The following SLC22A24 variants were observed in gnomAD, a reference collection of about 807,000 sequenced individuals.
SLC22A24 encodes the protein steroid transmembrane transporter SLC22A24.
Under a neutral mutation model 49.8 loss-of-function variants are expected in SLC22A24, and 53 were observed. The observed-to-expected ratio is 1.06, with a 90% CI of 0.85 to 1.34. The LOEUF is 1.34. SLC22A24 is among the 40% of genes most tolerant of loss of function. SLC22A24 has a pLI of 0.00. For missense variants in SLC22A24, 786 were observed against 675.9 expected, an observed-to-expected ratio of 1.16 and a Z score of -1.81; for synonymous variants, 302 against 256.4, an observed-to-expected ratio of 1.18 and a Z score of -1.70.
chr11:63,134,448 C>T (rs987348446), intron 2 of SLC22A24, among the ~76,000 whole-genome samples: 1 of 152,136 alleles, frequency 6.6e-6, no homozygotes, highest in African/African-American at 2.4e-5. Flanking sequence ...TTTCTGTCCT[C>T]TTTTATTCAG....
chr11:63,085,134 A>G (rs559678023), intron 6 of SLC22A24, among the ~76,000 whole-genome samples: 10 of 152,108 alleles, frequency 6.6e-5, no homozygotes, highest in Non-Finnish European at 8.8e-5. Flanking sequence ...TTTTGATAAA[A>G]CTTGCAGATA....
intron 1 of SLC22A24, among the ~76,000 whole-genome samples, chr11:63,140,613 C>T (rs2134687061): frequency 6.6e-6 from 1 of 152,264 alleles, no homozygotes; most frequent in Admixed American, 6.5e-5. Flanking sequence ...ATCTTATCTT[C>T]ACTTCTATCT....
chr11:63,118,618 T>A, intron 4 of SLC22A24: 1 of 556,424 alleles, frequency 1.8e-6, no homozygotes, highest in Non-Finnish European at 3.2e-6. Context: ...CACATAATAT[T>A]CCAAAAGTTA....
rs550229047 is a variant in SLC22A24, at chr11:63,111,376, G to C, written c.831-7078C>G. On this transcript the variant is annotated intron_variant, in intron 4 of 9. Transcript: ENST00000612278. ...ATGCTGGCTTCATAAAATGAGTTAG[G>C]GAGGATTCCTTCTTTTTCTATTGAT... Among the ~76,000 whole-genome samples the C allele has an allele frequency of 4.6e-5, 7 of 151,768 alleles. No homozygotes were observed. In the East Asian group the frequency reaches 1.4e-3, roughly 29 times the overall value.
At chr11:63,108,542 C>A (rs572924501) in intron 4 of SLC22A24, among the ~76,000 whole-genome samples, 5 of 152,150 alleles carry the variant, frequency 3.3e-5, no homozygotes, top group Non-Finnish European at 4.4e-5. Flanking sequence ...TAGAATTTGA[C>A]TGTGAACTTG....
rs2087393366 is a variant in SLC22A24 at position 63,138,690 on chromosome 11, C to T, written c.403-3922G>A. Among the ~76,000 whole-genome samples, 3 of 148,642 alleles carry T rather than the reference C, an allele frequency of 2.0e-5. No homozygotes were observed. The South Asian group carries it at 6.4e-4, about 32-fold the overall frequency. On this transcript the variant is annotated intron_variant, in intron 1 of 9. Coordinates refer to ENST00000612278, the MANE Select transcript of SLC22A24 (RefSeq NM_001136506.2). ...AAAAAGAAATTGGCTTCTGTACTCT[C>T]CTTCTGGGAAAAGCAATAGAAACTG... is the stretch of plus-strand genomic sequence containing the variant.
chr11:63,139,714 G>A lies in SLC22A24; in HGVS notation c.402+3664C>T, dbSNP rs190307979. 2.6e-5 allele frequency among the ~76,000 whole-genome samples: 4 copies of A among 152,256 alleles called. No individual in the cohort carries two copies. The East Asian group carries it at 5.8e-4, about 22-fold the overall frequency. Reference sequence around the variant, plus strand: ...AGTATTTCCCTCCTTTTAGGGATCCGATCCAGGATCCAGTATAAAATGGCA... The same window carrying A: ...AGTATTTCCCTCCTTTTAGGGATCCAATCCAGGATCCAGTATAAAATGGCA... On this transcript the variant is annotated intron_variant, in intron 1 of 9. Transcript: ENST00000612278.
intron 5 of SLC22A24, among the ~76,000 whole-genome samples, chr11:63,096,552 A>T (rs1254854923): frequency 6.6e-6 from 1 of 152,164 alleles, no homozygotes; most frequent in Non-Finnish European, 1.5e-5. Flanking sequence ...CTGAGCAATT[A>T]TTCTCTAGAT....
chr11:63,101,052 A>G (rs768210713), intron 5 of SLC22A24, among the ~76,000 whole-genome samples: 91 of 152,266 alleles, frequency 6.0e-4, no homozygotes, highest in Non-Finnish European at 1.2e-3. Flanking sequence ...GATAAATGGG[A>G]TCACATCATG....
chr11:63,143,676 A>G lies in SLC22A24; in HGVS notation c.104T>C (p.Ile35Thr), dbSNP rs2134689536. 1.3e-6 allele frequency: 2 copies of G among 1,594,684 alleles called. No individual in the cohort carries two copies. The highest frequency in any genetic ancestry group is 1.7e-6 in the Non-Finnish European group (2 of 1,171,272). Residue 35 changes from isoleucine to threonine, a missense_variant, in exon 1 of 10, where the codon ATT becomes ACT. By Grantham distance (89) the Ile-to-Thr change is moderately conservative. Transcript: ENST00000612278. ...CITNILLFPNIVLENFTAFTP... is the reference protein window; with the variant it reads ...CITNILLFPNTVLENFTAFTP... ...GAATGCAGTGAAGTTCTCCAACACAATATTAGGGAACAGTAGGATGTTGGT... is the reference window on the plus strand; with the variant it reads ...GAATGCAGTGAAGTTCTCCAACACAGTATTAGGGAACAGTAGGATGTTGGT...
chr11:63,089,790 CAAAG>C (rs1334740609), intron 6 of SLC22A24, among the ~76,000 whole-genome samples: 2 of 151,998 alleles, frequency 1.3e-5, no homozygotes, highest in Non-Finnish European at 2.9e-5. Context: ...TTAAAAAAGA[CAAAG>C]AACAAGGCCG....
intron 1 of SLC22A24, among the ~76,000 whole-genome samples, chr11:63,136,828 G>C (rs560930590): frequency 5.8e-4 from 89 of 152,304 alleles, no homozygotes; most frequent in Middle Eastern, 3.4e-3. Flanking sequence ...CTCTTGGACT[G>C]GTGGCTGACT....
intron 2 of SLC22A24, among the ~76,000 whole-genome samples, chr11:63,127,832 T>C (rs2087302926): frequency 1.3e-5 from 2 of 152,104 alleles, no homozygotes; most frequent in African/African-American, 4.8e-5. Flanking sequence ...TTTTTGTAAA[T>C]TTGTTTAAGT....
rs1432453309 is a variant in SLC22A24 at position 63,086,807 on chromosome 11, G to A, written c.1071-3350C>T. 2.0e-5 allele frequency among the ~76,000 whole-genome samples: 3 copies of A among 152,012 alleles called. No individual in the cohort carries two copies. The East Asian group carries it at 5.8e-4, about 29-fold the overall frequency. ...AGTAACTATGTGAGATTATGAATAT[G>A]CTAATTTGTCTCACTATAATAATTT... On this transcript the variant is annotated intron_variant, in intron 6 of 9. Coordinates refer to ENST00000612278, the MANE Select transcript of SLC22A24 (RefSeq NM_001136506.2).
chr11:63,086,013 A>G (rs889334530), intron 6 of SLC22A24, among the ~76,000 whole-genome samples: 3 of 152,208 alleles, frequency 2.0e-5, no homozygotes, highest in African/African-American at 7.2e-5. Flanking sequence ...CAGAATGGCT[A>G]TTACTAAATG....
At chr11:63,128,388 C>T (rs1441238055) in intron 2 of SLC22A24, among the ~76,000 whole-genome samples, 3 of 152,084 alleles carry the variant, frequency 2.0e-5, no homozygotes, top group Non-Finnish European at 4.4e-5. Flanking sequence ...GCACCCGCTA[C>T]TTAGCAGACT....
At chr11:63,111,785 C>A (rs556221490) in intron 4 of SLC22A24, among the ~76,000 whole-genome samples, 1 of 152,040 alleles carries the variant, frequency 6.6e-6, no homozygotes, top group East Asian at 1.9e-4. Flanking sequence ...TTTTGTTGAT[C>A]CTTTCAAAAA....
At chr11:63,133,488 G>A (rs993181006) in intron 2 of SLC22A24, among the ~76,000 whole-genome samples, 35 of 152,130 alleles carry the variant, frequency 2.3e-4, no homozygotes, top group Non-Finnish European at 4.0e-4. Context: ...ACTGTCAGAT[G>A]ACATTGAGCA....
At chr11:63,127,652 C>G (rs537608292) in intron 2 of SLC22A24, among the ~76,000 whole-genome samples, 4 of 152,292 alleles carry the variant, frequency 2.6e-5, no homozygotes, top group Admixed American at 2.0e-4. Context: ...TGTTTCCTGA[C>G]TTTTTAATCA....
Sources: gnomAD v4.1 joint callset for allele counts (sites outside exome capture counted in the v4.1 genomes callset) on GRCh38, gnomAD v4.1.1 for gene constraint, MANE v1.5 for transcripts, NCBI Gene and HGNC (gene_info 2026-07-23, HGNC 2026-07-21) for gene names.